MXI1: variants seen among roughly 807,000 people sequenced by gnomAD.
MXI1 encodes the protein max-interacting protein 1.
MXI1 carries 18 observed loss-of-function variants against 36.9 expected under a neutral mutation model. That is an observed-to-expected ratio of 0.49 (90% CI 0.34 to 0.72). The LOEUF (loss-of-function observed/expected upper bound fraction) is 0.72. MXI1 is among the 30% of genes least tolerant of loss of function. The pLI is 0.01. For missense variants in MXI1, 304 were observed against 379.1 expected (o/e 0.80, Z 1.64); for synonymous variants, 160 against 146.7 (o/e 1.09, Z -0.65).
intron 3 of MXI1, among the ~76,000 whole-genome samples, chr10:110,247,927 A>G (rs1855931965): frequency 1.3e-5 from 2 of 152,222 alleles, no homozygotes; most frequent in Admixed American, 1.3e-4. Context: ...TCACAATAGC[A>G]AAGACTTGGA....
At chr10:110,237,134 A>ATAATTAAT (rs1855503018) in intron 2 of MXI1, among the ~76,000 whole-genome samples, 1 of 150,632 alleles carries the variant, frequency 6.6e-6, no homozygotes, top group South Asian at 2.1e-4. Context: ...TTCTAAATAG[A>ATAATTAAT]CAGTAATGTT....
Position 110,279,946 on chromosome 10 carries a change from C to T in MXI1, c.585C>T (p.His195=), listed in dbSNP as rs770316059. 5 of 1,611,130 alleles carry T rather than the reference C, an allele frequency of 3.1e-6. No homozygotes were observed. In the African/African-American group the frequency reaches 6.7e-5, roughly 22 times the overall value. ...AAGAAGCTGAAAGAAAAAGCCAGCACCAGCTCGAGAATTTGGAACGAGAAC... is the reference window on the plus strand; with the variant it reads ...AAGAAGCTGAAAGAAAAAGCCAGCATCAGCTCGAGAATTTGGAACGAGAAC... ...KLEEAERKSQ[H]QLENLEREQR... The change falls in exon 5 of 6, where the codon CAC becomes CAT. Residue 195 remains histidine (H), a synonymous_variant. Transcript: ENST00000332674.
chr10:110,217,466 G>A (rs1283183681), intron 1 of MXI1, among the ~76,000 whole-genome samples: 1 of 152,178 alleles, frequency 6.6e-6, no homozygotes. Context: ...TGTGGACTTT[G>A]TTTTTATTTC....
chr10:110,210,040 C>T (rs1045152289), intron 1 of MXI1, among the ~76,000 whole-genome samples: 1 of 136,748 alleles, frequency 7.3e-6, no homozygotes, highest in African/African-American at 2.7e-5. Context: ...TGCCCCACCC[C>T]CCACCCCCCA....
At chr10:110,227,245 G>A (rs1305116840) in intron 1 of MXI1, 9 of 755,852 alleles carry the variant, frequency 1.2e-5, no homozygotes, top group African/African-American at 2.4e-5. Flanking sequence ...TGCGCGGGGG[G>A]GAGGGGCGTG....
chr10:110,235,556 CGGGT>C, intron 2 of MXI1, among the ~76,000 whole-genome samples: 2 of 151,514 alleles, frequency 1.3e-5, no homozygotes, highest in Admixed American at 6.6e-5. Context: ...GGCATGGTGG[CGGGT>C]GCCTGTAGTC....
At chr10:110,224,401 C>T (rs985937755) in intron 1 of MXI1, among the ~76,000 whole-genome samples, 1 of 152,148 alleles carries the variant, frequency 6.6e-6, no homozygotes, top group African/African-American at 2.4e-5. Context: ...TGTCTAGAGG[C>T]ATTTTTGGTT....
chr10:110,247,113 G>A (rs762164964), intron 3 of MXI1, among the ~76,000 whole-genome samples: 73 of 152,228 alleles, frequency 4.8e-4, no homozygotes, highest in Non-Finnish European at 7.8e-4. Flanking sequence ...ATTTGGAATG[G>A]AGCTTTAAAA....
chr10:110,267,230 G>GACTT (rs1255959102), intron 3 of MXI1, among the ~76,000 whole-genome samples: 7 of 152,178 alleles, frequency 4.6e-5, no homozygotes, highest in African/African-American at 1.7e-4. Context: ...ACTATATGGG[G>GACTT]ACTTACTACC....
intron 1 of MXI1, among the ~76,000 whole-genome samples, chr10:110,219,486 G>A (rs1302950244): frequency 2.0e-5 from 3 of 152,242 alleles, no homozygotes; most frequent in African/African-American, 4.8e-5. Flanking sequence ...TACCCCCTGG[G>A]AGCTTGTCAG....
chr10:110,253,600 AC>A (rs1013794828), intron 3 of MXI1, among the ~76,000 whole-genome samples: 1 of 152,128 alleles, frequency 6.6e-6, no homozygotes, highest in Non-Finnish European at 1.5e-5. Flanking sequence ...TAAAACTCTT[AC>A]CTCAACTAAT....
At chr10:110,264,078 T>C (rs1347806103) in intron 3 of MXI1, among the ~76,000 whole-genome samples, 1 of 150,910 alleles carries the variant, frequency 6.6e-6, no homozygotes, top group Admixed American at 6.6e-5. Flanking sequence ...AATTTAAAAG[T>C]GTGTGTGTGT....
chr10:110,227,431 G>A (rs1034850501), intron 1 of MXI1: 3 of 989,172 alleles, frequency 3.0e-6, no homozygotes, highest in African/African-American at 1.8e-5. Flanking sequence ...TGGGGCTGTG[G>A]GTGTGCGGCG....
chr10:110,261,011 G>C (rs1244483454), intron 3 of MXI1: 1 of 984,674 alleles, frequency 1.0e-6, no homozygotes, highest in Non-Finnish European at 1.2e-6. Context: ...ACTTTAATAG[G>C]CTCCAGTGAT....
At chr10:110,251,544 T>G (rs1327585467) in intron 3 of MXI1, among the ~76,000 whole-genome samples, 1 of 152,160 alleles carries the variant, frequency 6.6e-6, no homozygotes, top group Non-Finnish European at 1.5e-5. Context: ...ACTAGTGGTC[T>G]ATGTGATCAT....
intron 2 of MXI1, among the ~76,000 whole-genome samples, chr10:110,237,699 G>A (rs1245259161): frequency 6.6e-6 from 1 of 152,110 alleles, no homozygotes. Context: ...CTGACCAACT[G>A]GCTGCAAATT....
intron 2 of MXI1, among the ~76,000 whole-genome samples, chr10:110,230,429 A>G (rs1855218253): frequency 6.6e-6 from 1 of 152,232 alleles, no homozygotes; most frequent in Non-Finnish European, 1.5e-5. Flanking sequence ...AAAGGAGAAT[A>G]TGTGTACATT....
intron 1 of MXI1, chr10:110,208,685 T>C (rs1854424100): frequency 6.7e-6 from 1 of 149,258 alleles, no homozygotes; most frequent in Non-Finnish European, 1.5e-5. Context: ...GCTCAGGCCA[T>C]CACGTCTACG....
chr10:110,223,516 G>A (rs1041540488), intron 1 of MXI1, among the ~76,000 whole-genome samples: 9 of 152,092 alleles, frequency 5.9e-5, no homozygotes, highest in African/African-American at 2.2e-4. Context: ...AGGTTGCAAT[G>A]AGCCGAGATC....
Sources: gnomAD v4.1 joint callset for allele counts (sites outside exome capture counted in the v4.1 genomes callset) on GRCh38, gnomAD v4.1.1 for gene constraint, MANE v1.5 for transcripts, NCBI Gene and HGNC (gene_info 2026-07-23, HGNC 2026-07-21) for gene names.